The following CBLN2 variants were observed in gnomAD, a reference collection of about 807,000 sequenced individuals.
CBLN2 encodes cerebellin 2 precursor.
CBLN2 carries 7 observed loss-of-function variants against 15.0 expected under a neutral mutation model. That is an observed-to-expected ratio of 0.47 (90% CI 0.27 to 0.88). The LOEUF (loss-of-function observed/expected upper bound fraction) is 0.88, where lower values mean the gene tolerates loss of function less well. CBLN2 is among the 40% of genes least tolerant of loss of function. CBLN2 has a pLI of 0.14. For missense variants in CBLN2, 242 were observed against 304.5 expected (o/e 0.79, Z 1.53); for synonymous variants, 149 against 135.2 (o/e 1.10, Z -0.71).
At chr18:72,615,269 T>C (rs1287700286) in intron 1 of CBLN2, among the ~76,000 whole-genome samples, 1 of 15,824 alleles carries the variant, frequency 6.3e-5, no homozygotes, top group Non-Finnish European at 3.5e-4. Context: ...ATGTATATAT[T>C]ATATATATAT....
chr18:72,565,609 T>G (rs1462927062), intron 1 of CBLN2, among the ~76,000 whole-genome samples: 2 of 152,078 alleles, frequency 1.3e-5, no homozygotes, highest in Non-Finnish European at 2.9e-5. Context: ...GTAAGCCCCA[T>G]AATAACAACA....
intron 1 of CBLN2, among the ~76,000 whole-genome samples, chr18:72,555,424 G>A (rs566224638): frequency 6.7e-6 from 1 of 150,184 alleles, no homozygotes; most frequent in Admixed American, 6.6e-5. Flanking sequence ...CGGTGAATAT[G>A]TGTTTGACTA....
intron 1 of CBLN2, among the ~76,000 whole-genome samples, chr18:72,564,682 T>G (rs971792066): frequency 6.6e-6 from 1 of 152,160 alleles, no homozygotes; most frequent in Admixed American, 6.6e-5. Context: ...AATATTTGCA[T>G]TGTGAGAATT....
rs564722822 is a variant in CBLN2 at position 72,561,120 on chromosome 18, C to CTA, written c.16-22350_16-22349dup. 3.1e-4 allele frequency among the ~76,000 whole-genome samples: 47 copies of CTA among 149,752 alleles called. No homozygotes were observed. The South Asian group carries it at 3.6e-3, about 11-fold the overall frequency. ...AACATATAGATAGCTGTGATAAAAGCTATATATATATACATATATACACAT... is the reference window on the plus strand; with the variant it reads ...AACATATAGATAGCTGTGATAAAAGCTATATATATATATACATATATACACAT... On this transcript the variant is annotated intron_variant, in intron 1 of 2. Transcript: ENST00000581073.
At chr18:72,600,477 G>A (rs183227881) in intron 1 of CBLN2, among the ~76,000 whole-genome samples, 2 of 152,328 alleles carry the variant, frequency 1.3e-5, no homozygotes, top group Admixed American at 6.5e-5. Context: ...GTGAGACTAA[G>A]TGTAGTTTGT....
chr18:72,557,680 C>T (rs2069234955), intron 1 of CBLN2, among the ~76,000 whole-genome samples: 1 of 152,150 alleles, frequency 6.6e-6, no homozygotes, highest in East Asian at 1.9e-4. Flanking sequence ...CACATGTTCT[C>T]ACTAGTAAGT....
chr18:72,611,857 A>G (rs1385097160), intron 1 of CBLN2, among the ~76,000 whole-genome samples: 2 of 152,114 alleles, frequency 1.3e-5, no homozygotes, highest in Non-Finnish European at 2.9e-5. Flanking sequence ...TTCTTCTAGA[A>G]TTCTTATAAT....
rs1163830149 is a variant in CBLN2, at chr18:72,581,566, G to A, written c.16-42794C>T. Reference sequence around the variant, plus strand: ...TGTATATGTTAACTTACACCTGTTTGGAGCTTTAGCTTATGTTCTCATGAG... The same window carrying A: ...TGTATATGTTAACTTACACCTGTTTAGAGCTTTAGCTTATGTTCTCATGAG... On this transcript the variant is annotated intron_variant, in intron 1 of 2. Coordinates refer to the CBLN2 transcript ENST00000581073. 3.3e-5 allele frequency among the ~76,000 whole-genome samples: 5 copies of A among 152,064 alleles called. No homozygotes were observed. In the East Asian group the frequency reaches 9.7e-4, roughly 29 times the overall value.
At chr18:72,553,604 A>G (rs1333356179) in intron 1 of CBLN2, among the ~76,000 whole-genome samples, 1 of 152,198 alleles carries the variant, frequency 6.6e-6, no homozygotes, top group African/African-American at 2.4e-5. Flanking sequence ...TAGAAAATAT[A>G]ATTTTAGTGA....
intron 1 of CBLN2, among the ~76,000 whole-genome samples, chr18:72,635,697 G>A (rs1201341261): frequency 3.3e-5 from 5 of 152,022 alleles, no homozygotes; most frequent in Non-Finnish European, 7.4e-5. Context: ...CAAAATTCAA[G>A]AGAGACTCAG....
chr18:72,607,678 C>CCTCTCTCTCT (rs137899122), intron 1 of CBLN2, among the ~76,000 whole-genome samples: 11,731 of 149,566 alleles, frequency 0.078, 456 homozygotes, highest in East Asian at 0.12. Context: ...TATGTAGATA[C>CCTCTCTCTCT]CTCTCTCTCT....
At chr18:72,597,615 C>T (rs554503385) in intron 1 of CBLN2, among the ~76,000 whole-genome samples, 5 of 152,168 alleles carry the variant, frequency 3.3e-5, no homozygotes, top group Non-Finnish European at 7.3e-5. Context: ...AGGCTCATGT[C>T]CTTCTCTTCA....
chr18:72,578,257 C>A (rs1406666938), intron 1 of CBLN2, among the ~76,000 whole-genome samples: 1 of 152,138 alleles, frequency 6.6e-6, no homozygotes. Context: ...TCCCATAACC[C>A]TATCAAGCCA....
chr18:72,552,319 G>A (rs577118151), intron 1 of CBLN2, among the ~76,000 whole-genome samples: 1 of 152,018 alleles, frequency 6.6e-6, no homozygotes, highest in Admixed American at 6.6e-5. Flanking sequence ...CCTGACCTCA[G>A]GTGATCCACC....
chr18:72,629,553 A>G (rs2069761809), intron 1 of CBLN2, among the ~76,000 whole-genome samples: 1 of 152,148 alleles, frequency 6.6e-6, no homozygotes, highest in Non-Finnish European at 1.5e-5. Flanking sequence ...AAAACATTTC[A>G]GAGATGTTGG....
chr18:72,584,339 G>C (rs1419090383), intron 1 of CBLN2, among the ~76,000 whole-genome samples: 1 of 149,854 alleles, frequency 6.7e-6, no homozygotes, highest in Non-Finnish European at 1.5e-5. Context: ...CTGAGACGAA[G>C]TCTTGCTCTG....
At chr18:72,589,482 G>C (rs1342538383) in intron 1 of CBLN2, among the ~76,000 whole-genome samples, 1 of 152,162 alleles carries the variant, frequency 6.6e-6, no homozygotes, top group African/African-American at 2.4e-5. Flanking sequence ...CCACATATGG[G>C]CTGTGGTTAA....
chr18:72,562,973 C>T (rs572452066), intron 1 of CBLN2, among the ~76,000 whole-genome samples: 1 of 152,274 alleles, frequency 6.6e-6, no homozygotes, highest in East Asian at 1.9e-4. Context: ...GCGAGAGGTG[C>T]TCAAATAGTG....
chr18:72,629,967 AC>A (rs1316887723), intron 1 of CBLN2, among the ~76,000 whole-genome samples: 1 of 152,222 alleles, frequency 6.6e-6, no homozygotes, highest in East Asian at 1.9e-4. Context: ...ACCAAAAGAT[AC>A]CAAAGTGGAA....
Sources: gnomAD v4.1 joint callset for allele counts (sites outside exome capture counted in the v4.1 genomes callset) on GRCh38, gnomAD v4.1.1 for gene constraint, MANE v1.5 for transcripts, NCBI Gene and HGNC (gene_info 2026-07-23, HGNC 2026-07-21) for gene names.